C5: variants seen among roughly 807,000 people sequenced by gnomAD.
C5 encodes complement C5, also known as C3 and PZP-like alpha-2-macroglobulin domain-containing protein 4.
In C5, 140 loss-of-function variants were observed where a neutral mutation model predicts 218.8. The ratio of observed to expected loss-of-function variants is 0.64; its 90% CI spans 0.56 to 0.74. The LOEUF (loss-of-function observed/expected upper bound fraction) is 0.74. Among genes scored for constraint, C5 ranks in the 30% least tolerant of loss-of-function variants. C5 has a pLI of 0.00. For missense variants in C5, 1,700 were observed against 1,969.6 expected, an observed-to-expected ratio of 0.86 and a Z score of 2.59; for synonymous variants, 614 against 682.3, an observed-to-expected ratio of 0.90 and a Z score of 1.56.
intron 39 of C5, chr9:120,957,075 T>C (rs1252080631): frequency 2.1e-6 from 1 of 466,814 alleles, no homozygotes; most frequent in Admixed American, 3.4e-5. Flanking sequence ...AAAAAACATT[T>C]TGCTGAAGTT....
chr9:120,972,223 A>G (rs112177507), intron 30 of C5, among the ~76,000 whole-genome samples: 110 of 152,296 alleles, frequency 7.2e-4, no homozygotes, highest in African/African-American at 2.6e-3. Flanking sequence ...TCCTGAGTGA[A>G]CCAACAAAAG....
At chr9:121,049,815 A>C (rs943973086) in intron 1 of C5, among the ~76,000 whole-genome samples, 21 of 152,348 alleles carry the variant, frequency 1.4e-4, no homozygotes, top group Non-Finnish European at 2.5e-4. Flanking sequence ...TTGACTCCTA[A>C]ATAACCCTGG....
At chr9:121,060,643 CA>C in the C5 span, among the ~76,000 whole-genome samples, 1 of 152,010 alleles carries the variant, frequency 6.6e-6, no homozygotes, top group Admixed American at 6.6e-5. Context: ...CCAAATCTCT[CA>C]AAACACTTAG....
chr9:120,958,621 A>T (rs1414999595), intron 38 of C5, among the ~76,000 whole-genome samples: 2 of 151,888 alleles, frequency 1.3e-5, no homozygotes, highest in African/African-American at 4.8e-5. Flanking sequence ...GTTATTAACC[A>T]TATAAAACTT....
chr9:121,066,465 T>A, the C5 span, among the ~76,000 whole-genome samples: 8 of 151,908 alleles, frequency 5.3e-5, no homozygotes, highest in Non-Finnish European at 1.0e-4. Context: ...CTCACAACTT[T>A]AAGTGAGCAA....
chr9:121,037,679 T>G (rs571440218), intron 4 of C5, among the ~76,000 whole-genome samples: 16 of 152,282 alleles, frequency 1.1e-4, no homozygotes, highest in African/African-American at 3.4e-4. Context: ...ATCCTTCAAG[T>G]TATTGAAATT....
At chr9:120,953,975 T>A in intron 39 of C5, 107 bp from the exon 40 acceptor site, 1 of 1,143,782 alleles carries the variant, frequency 8.7e-7, no homozygotes, top group Non-Finnish European at 1.3e-6. Context: ...GGTTCATGGC[T>A]AGTGGACAGC....
chr9:120,976,935 A>G (rs1280540665), intron 28 of C5, 30 bp from the exon 29 acceptor site: 1 of 1,551,630 alleles, frequency 6.4e-7, no homozygotes, highest in Non-Finnish European at 8.9e-7. Flanking sequence ...ATTCATTAAT[A>G]TGATTAAAAA....
chr9:121,029,435 C>T (rs1283567145), intron 7 of C5, among the ~76,000 whole-genome samples: 1 of 152,218 alleles, frequency 6.6e-6, no homozygotes, highest in African/African-American at 2.4e-5. Context: ...CCACTTGTAA[C>T]ATGGGAATAG....
At position 121,025,507 on chromosome 9, in the gene C5, T is replaced by C. The variant is rs1486142216; in HGVS notation, c.947A>G (p.Glu316Gly). ...ATAAAGGTACTTGTTGTTTAAATCTTCTAAACTGTAGTATGACAGTTCTTT... is the reference window on the plus strand; with the variant it reads ...ATAAAGGTACTTGTTGTTTAAATCTCCTAAACTGTAGTATGACAGTTCTTT... ...AVKELSYYSL[E>G]DLNNKYLYIA... is the part of the protein sequence containing the mutation. The change falls in exon 9 of 41, where the codon GAA becomes GGA. Residue 316 changes from glutamate to glycine, a missense_variant. Glu to Gly is a moderately conservative substitution (Grantham distance 98, BLOSUM62 -2). Coordinates refer to ENST00000223642, the MANE Select transcript of C5 (RefSeq NM_001735.3). 2 of 1,613,142 alleles carry C rather than the reference T, an allele frequency of 1.2e-6. No individual in the cohort carries two copies. Among genetic ancestry groups the C allele is most frequent in the Non-Finnish European group, 1.7e-6 (2 of 1,179,644 alleles).
At chr9:120,973,387 T>C (rs1469175267) in intron 30 of C5, among the ~76,000 whole-genome samples, 4 of 152,124 alleles carry the variant, frequency 2.6e-5, no homozygotes, top group Non-Finnish European at 5.9e-5. Flanking sequence ...AAAGGAGACA[T>C]ATTCCCAAAC....
In C5 at chr9:121,006,941, G is replaced by A. The variant is rs751061907; in HGVS notation, c.2385C>T (p.Thr795=). 6.2e-7 allele frequency: 1 copy of A among 1,612,766 alleles called. No homozygotes were observed. Among genetic ancestry groups the A allele is most frequent in the East Asian group, 2.2e-5 (1 of 44,838 alleles). The change falls in exon 19 of 41, where the codon ACC becomes ACT. Residue 795 remains threonine (T), a synonymous_variant. Coordinates refer to ENST00000223642, the MANE Select transcript of C5 (RefSeq NM_001735.3). ...TGCCAACGCCTTGAATTTCCCAGGT[G>A]GTTAGAGAATCAGGTAGGGCAAACT... is the stretch of plus-strand genomic sequence containing the variant. ...QLQFALPDSL[T]TWEIQGVGIS... is the part of the protein sequence containing the mutation.
At chr9:121,070,177 G>C in the C5 span, among the ~76,000 whole-genome samples, 1 of 151,788 alleles carries the variant, frequency 6.6e-6, no homozygotes, top group African/African-American at 2.4e-5. Flanking sequence ...GACCAACATG[G>C]AGAAACCCCA....
intron 23 of C5, 51 bp downstream of exon 23, chr9:120,991,140 G>T: frequency 9.3e-7 from 1 of 1,070,602 alleles, no homozygotes; most frequent in Non-Finnish European, 1.5e-6. Context: ...TTTGATTTTT[G>T]TTTGAAGCAC....
chr9:120,957,050 C>A (rs2046790187), intron 39 of C5: 2 of 421,828 alleles, frequency 4.7e-6, no homozygotes, highest in South Asian at 4.3e-5. Flanking sequence ...AGAAATTGGA[C>A]AATTACGCAA....
chr9:121,063,127 G>T, the C5 span, among the ~76,000 whole-genome samples: 2 of 150,520 alleles, frequency 1.3e-5, no homozygotes, highest in Non-Finnish European at 3.0e-5. Context: ...TATGCTCGAT[G>T]GTATACCAAA....
chr9:121,001,836 T>C (rs1048247618), intron 20 of C5, among the ~76,000 whole-genome samples: 2 of 152,156 alleles, frequency 1.3e-5, no homozygotes, highest in African/African-American at 4.8e-5. Context: ...GTCCATGCCC[T>C]TTAGCCCAGT....
chr9:121,044,780 T>C (rs1049717988), intron 2 of C5, among the ~76,000 whole-genome samples: 1 of 152,206 alleles, frequency 6.6e-6, no homozygotes, highest in Non-Finnish European at 1.5e-5. Flanking sequence ...TGCTGTTTAC[T>C]ATGGTAGCCA....
At chr9:121,004,231 T>G (rs542120074) in intron 20 of C5, among the ~76,000 whole-genome samples, 1 of 152,072 alleles carries the variant, frequency 6.6e-6, no homozygotes, top group Admixed American at 6.5e-5. Context: ...ATATGTTATT[T>G]TATCAATAGT....
Sources: allele counts gnomAD v4.1 joint callset (sites outside exome capture counted in the v4.1 genomes callset), GRCh38; gene constraint gnomAD v4.1.1; transcripts MANE v1.5; gene names NCBI Gene and HGNC (gene_info 2026-07-23, HGNC 2026-07-21).